PDE3A: variants seen among roughly 807,000 people sequenced by gnomAD.
The protein encoded by PDE3A is phosphodiesterase 3A, also known as cGMP-inhibited 3',5'-cyclic phosphodiesterase 3A.
Under a neutral mutation model 98.3 loss-of-function variants are expected in PDE3A, and 43 were observed. That is an observed-to-expected ratio of 0.44 (90% CI 0.34 to 0.56). The LOEUF (loss-of-function observed/expected upper bound fraction) is 0.56, where lower values mean the gene tolerates loss of function less well. PDE3A is among the 20% of genes least tolerant of loss of function. The pLI, the probability that PDE3A is intolerant of heterozygous loss-of-function variation, is 0.01. For synonymous variants in PDE3A, 663 were observed against 567.9 expected (o/e 1.17, Z -2.38); for missense variants, 1,427 against 1,440.7 (o/e 0.99, Z 0.15).
intron 15 of PDE3A, among the ~76,000 whole-genome samples, chr12:20,655,003 G>T (rs938506502): frequency 6.6e-6 from 1 of 152,054 alleles, no homozygotes; most frequent in Admixed American, 6.6e-5. Context: ...TAGAGATAGA[G>T]TTGTGGGGAA....
chr12:20,621,581 A>T (rs1359080309), intron 5 of PDE3A, among the ~76,000 whole-genome samples, 170 bp downstream of exon 5: 10 of 152,106 alleles, frequency 6.6e-5, no homozygotes, highest in Admixed American at 6.6e-4. Context: ...CCAATTAGTT[A>T]TTTAAATTTC....
At chr12:20,654,242 G>T (rs1172155038) in intron 15 of PDE3A, 37 bp downstream of exon 15, 2 of 1,595,552 alleles carry the variant, frequency 1.3e-6, no homozygotes, top group Non-Finnish European at 1.7e-6. Flanking sequence ...TGTTTTCCCT[G>T]GGATTGCTTT....
At chr12:20,436,583 A>G (rs1944782492) in intron 1 of PDE3A, among the ~76,000 whole-genome samples, 1 of 152,184 alleles carries the variant, frequency 6.6e-6, no homozygotes, top group Non-Finnish European at 1.5e-5. Context: ...TTATCAGGAG[A>G]CATGAATGAT....
chr12:20,613,650 T>G lies in PDE3A; in HGVS notation c.1219T>G (p.Cys407Gly). 1 of 1,613,768 alleles carries G rather than the reference T, an allele frequency of 6.2e-7. No homozygotes were observed. ...PVTSLSENYT[C>G]SDSEESSEKD... ...CACTTCGCTCAGTGAAAACTATACC[T>G]GTTCTGACTCTGAAGAGAGCTCTGA... The change falls in exon 3 of 16, where the codon TGT becomes GGT. Residue 407 changes from cysteine to glycine, a missense_variant. Coordinates refer to ENST00000359062, the MANE Select transcript of PDE3A (RefSeq NM_000921.5).
intron 15 of PDE3A, among the ~76,000 whole-genome samples, chr12:20,657,334 G>A (rs1945066332): frequency 6.6e-6 from 1 of 152,198 alleles, no homozygotes; most frequent in South Asian, 2.1e-4. Context: ...TAACTTCAAT[G>A]CTTTTGGCTC....
intron 1 of PDE3A, among the ~76,000 whole-genome samples, chr12:20,529,269 T>G (rs891599791): frequency 6.6e-6 from 1 of 152,168 alleles, no homozygotes; most frequent in Non-Finnish European, 1.5e-5. Context: ...ACCAAGCATA[T>G]ATTTTACTTG....
At chr12:20,445,919 T>C (rs1157929429) in intron 1 of PDE3A, among the ~76,000 whole-genome samples, 1 of 152,134 alleles carries the variant, frequency 6.6e-6, no homozygotes, top group Admixed American at 6.6e-5. Flanking sequence ...TAGCAGCATG[T>C]GAGAAGATGA....
intron 1 of PDE3A, among the ~76,000 whole-genome samples, chr12:20,550,376 T>G (rs1370360021): frequency 6.6e-6 from 1 of 152,156 alleles, no homozygotes; most frequent in Non-Finnish European, 1.5e-5. Flanking sequence ...TGAGCTCATC[T>G]TCCTATTTTA....
intron 1 of PDE3A, among the ~76,000 whole-genome samples, chr12:20,477,091 C>G (rs1945544244): frequency 6.6e-6 from 1 of 152,096 alleles, no homozygotes; most frequent in Non-Finnish European, 1.5e-5. Flanking sequence ...CACTGCTAAG[C>G]CATATTTTGA....
At chr12:20,392,071 T>G (rs1001417989) in intron 1 of PDE3A, among the ~76,000 whole-genome samples, 1 of 151,928 alleles carries the variant, frequency 6.6e-6, no homozygotes, top group East Asian at 1.9e-4. Context: ...TGCACTTGCT[T>G]TTTTTTGTCA....
intron 1 of PDE3A, among the ~76,000 whole-genome samples, chr12:20,374,722 T>A (rs1943539027): frequency 6.6e-6 from 1 of 152,048 alleles, no homozygotes; most frequent in Non-Finnish European, 1.5e-5. Context: ...AACCTCAAAA[T>A]TAGAAGTATG....
intron 2 of PDE3A, among the ~76,000 whole-genome samples, chr12:20,605,435 A>ATCTT (rs1412291454): frequency 6.6e-6 from 1 of 152,202 alleles, no homozygotes; most frequent in African/African-American, 2.4e-5. Flanking sequence ...TAATTTTAAA[A>ATCTT]TCTTTTTTTA....
chr12:20,398,797 T>C (rs1466739990), intron 1 of PDE3A, among the ~76,000 whole-genome samples: 1 of 152,202 alleles, frequency 6.6e-6, no homozygotes, highest in Admixed American at 6.5e-5. Context: ...GGATTTCCTG[T>C]ATTTTTTTAA....
chr12:20,441,949 C>T (rs1206930394), intron 1 of PDE3A, among the ~76,000 whole-genome samples: 2 of 152,190 alleles, frequency 1.3e-5, no homozygotes. Context: ...TTTGTAACTA[C>T]TTTCCTTTCT....
intron 1 of PDE3A, among the ~76,000 whole-genome samples, chr12:20,453,152 T>C (rs2120894595): frequency 6.6e-6 from 1 of 151,056 alleles, no homozygotes; most frequent in South Asian, 2.1e-4. Flanking sequence ...TGACTGGTTT[T>C]GGATGACAAA....
chr12:20,460,191 G>T (rs1945223863), intron 1 of PDE3A, among the ~76,000 whole-genome samples: 1 of 152,226 alleles, frequency 6.6e-6, no homozygotes, highest in African/African-American at 2.4e-5. Context: ...CAAGAAGCCA[G>T]CTGGCTAAGG....
At chr12:20,628,286 AT>A (rs1242274200) in intron 5 of PDE3A, among the ~76,000 whole-genome samples, 13 of 152,262 alleles carry the variant, frequency 8.5e-5, no homozygotes, top group African/African-American at 2.6e-4. Context: ...TGTGAACTTA[AT>A]TTTTTGTTTT....
In PDE3A at chr12:20,633,223, T is replaced by C. The variant is rs147597931; in HGVS notation, c.1761-470T>C. Among the ~76,000 whole-genome samples the C allele has an allele frequency of 9.4e-3, 1,437 of 152,284 alleles. 10 individuals are homozygous for C. The highest frequency in any genetic ancestry group is 0.015 in the Non-Finnish European group (1,035 of 68,028). Reference sequence around the variant, plus strand: ...GCCTTGGCCTCGAAAAGTGCTGGGATTACAGGCGTGAGCCCATAATGAGCT... The same window carrying C: ...GCCTTGGCCTCGAAAAGTGCTGGGACTACAGGCGTGAGCCCATAATGAGCT... On this transcript the variant is annotated intron_variant, in intron 6 of 15. Coordinates refer to ENST00000359062, the MANE Select transcript of PDE3A (RefSeq NM_000921.5).
At chr12:20,626,395 G>A (rs199868148) in intron 5 of PDE3A, among the ~76,000 whole-genome samples, 1 of 137,710 alleles carries the variant, frequency 7.3e-6, no homozygotes, top group African/African-American at 2.7e-5. Context: ...AAAAAAAAAA[G>A]AGAACTTATA....
Sources: allele counts gnomAD v4.1 joint callset (sites outside exome capture counted in the v4.1 genomes callset), GRCh38; gene constraint gnomAD v4.1.1; transcripts MANE v1.5; gene names NCBI Gene and HGNC (gene_info 2026-07-23, HGNC 2026-07-21).